The following HEPHL1 variants were observed in gnomAD, a reference collection of about 807,000 sequenced individuals.
The protein encoded by HEPHL1 is ferroxidase HEPHL1.
HEPHL1 carries 123 observed loss-of-function variants against 122.0 expected under a neutral mutation model. The observed-to-expected ratio is 1.01, with a 90% CI of 0.87 to 1.17. The LOEUF (loss-of-function observed/expected upper bound fraction) is 1.17, where lower values mean the gene tolerates loss of function less well. Among genes scored for constraint, HEPHL1 ranks in the 50% most tolerant of loss-of-function variants. HEPHL1 has a pLI of 0.00. For synonymous variants in HEPHL1, 527 were observed against 508.9 expected (o/e 1.04, Z -0.48); for missense variants, 1,452 against 1,430.5 (o/e 1.01, Z -0.24).
At chr11:94,046,862 G>A (rs923219997) in intron 2 of HEPHL1, among the ~76,000 whole-genome samples, 1 of 152,160 alleles carries the variant, frequency 6.6e-6, no homozygotes, top group African/African-American at 2.4e-5. Flanking sequence ...TAGGTTGAAA[G>A]GTGCTGTACC....
At chr11:94,041,049 A>G (rs1945772618) in intron 1 of HEPHL1, among the ~76,000 whole-genome samples, 1 of 128,282 alleles carries the variant, frequency 7.8e-6, no homozygotes, top group Non-Finnish European at 1.7e-5. Context: ...ATCAATGTAC[A>G]AAAATCACAA....
intron 1 of HEPHL1, among the ~76,000 whole-genome samples, chr11:94,037,740 G>T (rs201199812): frequency 1.3e-5 from 2 of 150,842 alleles, no homozygotes; most frequent in East Asian, 3.9e-4. Flanking sequence ...CATCAAAGAC[G>T]AAAAGTAGAT....
chr11:94,049,972 A>G lies in HEPHL1; in HGVS notation c.415+4055A>G, dbSNP rs117379252. ...AAAAACAAATGGCCATCTTACCAAC[A>G]TTGAGTCTTTCAATCCATGAACATG... is the stretch of plus-strand genomic sequence containing the variant. On this transcript the variant is annotated intron_variant, in intron 2 of 19. Transcript: ENST00000315765. Among the ~76,000 whole-genome samples, 833 of 152,302 alleles carry G rather than the reference A, an allele frequency of 5.5e-3. 5 individuals are homozygous for G. The highest frequency in any genetic ancestry group is 8.9e-3 in the Non-Finnish European group (604 of 68,018).
chr11:94,064,477 G>T lies in HEPHL1; in HGVS notation c.775G>T (p.Asp259Tyr). ...CTNPDSVDKKDAVFQRSNKMH... is the reference protein window; with the variant it reads ...CTNPDSVDKKYAVFQRSNKMH... ...CAACCCTGATTCAGTTGACAAGAAA[G>T]ATGCTGTTTTCCAGAGGAGTAACAA... Residue 259 changes from aspartate (D) to tyrosine (Y), a missense_variant, in exon 4 of 20, where the codon GAT (aspartate) becomes TAT (tyrosine). Physicochemically the swap from Asp to Tyr is radical, Grantham distance 160. Coordinates refer to ENST00000315765, the MANE Select transcript of HEPHL1 (RefSeq NM_001098672.2). The T allele has an allele frequency of 1.9e-6, 3 of 1,613,292 alleles. No individual in the cohort carries two copies. Among genetic ancestry groups the T allele is most frequent in the Non-Finnish European group, 2.5e-6 (3 of 1,179,460 alleles).
chr11:94,106,205 G>T, intron 17 of HEPHL1, 75 bp downstream of exon 17: 4 of 1,193,652 alleles, frequency 3.4e-6, no homozygotes, highest in Non-Finnish European at 3.5e-6. Context: ...TGGAAAATAA[G>T]AGTTACTTGG....
chr11:94,100,762 G>C (rs1490131983), intron 13 of HEPHL1, among the ~76,000 whole-genome samples: 3 of 152,154 alleles, frequency 2.0e-5, no homozygotes, highest in Non-Finnish European at 2.9e-5. Context: ...ACCATATCAT[G>C]TGGATATGGC....
intron 13 of HEPHL1, among the ~76,000 whole-genome samples, chr11:94,096,665 G>C (rs1013469636): frequency 7.2e-5 from 11 of 152,060 alleles, no homozygotes; most frequent in African/African-American, 2.7e-4. Flanking sequence ...TTTTTGTTTG[G>C]TAGGCTATTA....
intron 15 of HEPHL1, 82 bp downstream of exon 15, chr11:94,103,102 A>G (rs1333779206): frequency 7.5e-6 from 6 of 797,840 alleles, no homozygotes; most frequent in Admixed American, 5.8e-5. Flanking sequence ...TTGGGTTGGT[A>G]TATGTGAAAG....
chr11:94,088,487 CAGAA>C (rs761080521), intron 11 of HEPHL1, among the ~76,000 whole-genome samples: 52 of 152,096 alleles, frequency 3.4e-4, no homozygotes, highest in Admixed American at 1.1e-3. Context: ...ATGGGAGACC[CAGAA>C]AAGTCATTTC....
At chr11:94,055,195 C>A in intron 2 of HEPHL1, 1 of 258,336 alleles carries the variant, frequency 3.9e-6, no homozygotes, top group East Asian at 1.1e-4. Context: ...CTTGGAGACT[C>A]CCTTGGCAGA....
chr11:94,036,470 T>C (rs1380839667), intron 1 of HEPHL1, among the ~76,000 whole-genome samples: 1 of 152,108 alleles, frequency 6.6e-6, no homozygotes, highest in African/African-American at 2.4e-5. Context: ...TCTAGAGGAA[T>C]TTTTGAGACT....
chr11:94,094,006 AT>A (rs1350084605), intron 13 of HEPHL1, among the ~76,000 whole-genome samples: 31 of 116,022 alleles, frequency 2.7e-4, no homozygotes, highest in Non-Finnish European at 5.0e-4. Context: ...ATATATATAT[AT>A]ATATATAAAA....
chr11:94,101,050 T>C lies in HEPHL1; in HGVS notation c.2435-145T>C. 1.2e-5 allele frequency: 9 copies of C among 771,762 alleles called. No homozygotes were observed. The South Asian group carries it at 1.5e-4, about 13-fold the overall frequency. 47.8% of individuals were successfully genotyped at this position (771,762 alleles called of 1,614,324 possible). A position where few individuals can be genotyped will look rare whatever the true frequency, so the allele number is the denominator to read the frequency against. ...TTTAATACTACACAATGTTGCTCTC[T>C]AAAGTGGAGTAGAGTTATATATGCC... is the stretch of plus-strand genomic sequence containing the variant. On this transcript the variant is annotated intron_variant, in intron 13 of 19. Coordinates refer to ENST00000315765, the MANE Select transcript of HEPHL1 (RefSeq NM_001098672.2).
At chr11:94,075,087 G>A (rs868249260) in intron 8 of HEPHL1, 87 bp from the exon 9 acceptor site, 16 of 1,125,472 alleles carry the variant, frequency 1.4e-5, no homozygotes, top group East Asian at 2.6e-5. Context: ...ATCATCAGAG[G>A]GAGGCACCCA....
In HEPHL1 at chr11:94,104,549, G is replaced by C. The variant is rs1159298479; in HGVS notation, c.2704G>C (p.Gly902Arg). 3.1e-6 allele frequency: 5 copies of C among 1,612,842 alleles called. No homozygotes were observed. The African/African-American group carries it at 6.7e-5, about 22-fold the overall frequency. Residue 902 changes from glycine (G) to arginine (R), a missense_variant, in exon 16 of 20, where the codon GGT (glycine) becomes CGT (arginine). Gly to Arg is a moderately radical substitution (Grantham distance 125, BLOSUM62 -2). Coordinates refer to ENST00000315765, the MANE Select transcript of HEPHL1 (RefSeq NM_001098672.2). Reference sequence around the variant, plus strand: ...CCAGGATACGTATAGTGGTTTGATGGGTCCTCTGATTACATGCCGAAAAGG... The same window carrying C: ...CCAGGATACGTATAGTGGTTTGATGCGTCCTCTGATTACATGCCGAAAAGG... ...FVKDTYSGLM[G>R]PLITCRKGVL...
intron 17 of HEPHL1, among the ~76,000 whole-genome samples, chr11:94,108,571 A>G (rs1946425502): frequency 6.6e-6 from 1 of 151,984 alleles, no homozygotes; most frequent in Non-Finnish European, 1.5e-5. Context: ...TAATTTTCAT[A>G]TGTGGTTCAA....
At chr11:94,037,034 G>A (rs920432969) in intron 1 of HEPHL1, among the ~76,000 whole-genome samples, 4 of 152,196 alleles carry the variant, frequency 2.6e-5, no homozygotes, top group African/African-American at 9.7e-5. Context: ...AGCCGAAGCA[G>A]GGCAAGGCAT....
chr11:94,088,805 G>A lies in HEPHL1; in HGVS notation c.2131G>A (p.Gly711Ser), dbSNP rs1946239176. The change falls in exon 12 of 20, where the codon GGT becomes AGT. Residue 711 changes from glycine to serine, a missense_variant. Gly to Ser is a moderately conservative substitution (Grantham distance 56). Transcript: ENST00000315765. ...ATMPHLSRGM[G>S]QIYEVSSCDN... ...CATGCCCCACCTCTCGAGAGGCATG[G>A]GTCAGATCTATGAGGTCAGCAGCTG... is the stretch of plus-strand genomic sequence containing the variant. 4 of 1,613,824 alleles carry A rather than the reference G, an allele frequency of 2.5e-6. No individual in the cohort carries two copies. The highest frequency in any genetic ancestry group is 1.1e-5 in the South Asian group (1 of 91,078).
intron 7 of HEPHL1, 56 bp from the exon 8 acceptor site, chr11:94,073,249 TTTA>T: frequency 6.2e-7 from 1 of 1,606,860 alleles, no homozygotes; most frequent in South Asian, 1.1e-5. Flanking sequence ...ACTCTTCTGC[TTTA>T]CTTCTTTCTG....
Sources: allele counts gnomAD v4.1 joint callset (sites outside exome capture counted in the v4.1 genomes callset), GRCh38; gene constraint gnomAD v4.1.1; transcripts MANE v1.5; gene names NCBI Gene and HGNC (gene_info 2026-07-23, HGNC 2026-07-21).